The following FABP6 variants were observed in gnomAD, a reference collection of about 807,000 sequenced individuals.
FABP6 encodes gastrotropin.
A neutral mutation model predicts 14.9 loss-of-function variants in FABP6; 13 were observed. The observed-to-expected ratio is 0.87, with a 90% CI of 0.57 to 1.39. FABP6 has a LOEUF of 1.39. Among genes scored for constraint, FABP6 ranks in the 40% most tolerant of loss-of-function variants. The pLI, the probability that FABP6 is intolerant of heterozygous loss-of-function variation, is 0.00. For synonymous variants in FABP6, 75 were observed against 63.6 expected, an observed-to-expected ratio of 1.18 and a Z score of -0.85; for missense variants, 161 against 167.2, an observed-to-expected ratio of 0.96 and a Z score of 0.20.
chr5:160,209,683 T>C (rs1416036230), intron 2 of FABP6, among the ~76,000 whole-genome samples: 1 of 152,156 alleles, frequency 6.6e-6, no homozygotes, highest in Admixed American at 6.5e-5. Context: ...TCTCCAAAAC[T>C]GCAATAAATC....
chr5:160,207,663 A>G, intron 2 of FABP6, among the ~76,000 whole-genome samples: 1 of 151,964 alleles, frequency 6.6e-6, no homozygotes, highest in East Asian at 1.9e-4. Context: ...AAGTAAATAC[A>G]CACCAACTGT....
intron 1 of FABP6, among the ~76,000 whole-genome samples, chr5:160,195,120 A>G (rs1305190855): frequency 1.3e-5 from 2 of 152,018 alleles, no homozygotes; most frequent in African/African-American, 4.8e-5. Flanking sequence ...CCCCGACTCT[A>G]CTAAAAATAC....
upstream of FABP6, among the ~76,000 whole-genome samples, chr5:160,226,356 T>C (rs1760246528): frequency 6.6e-6 from 1 of 150,722 alleles, no homozygotes; most frequent in Non-Finnish European, 1.5e-5. Flanking sequence ...AGGTCAGGAG[T>C]TCGAGACCAG....
intron 2 of FABP6, among the ~76,000 whole-genome samples, chr5:160,202,702 G>A (rs898523636): frequency 2.0e-5 from 3 of 151,774 alleles, no homozygotes; most frequent in East Asian, 2.0e-4. Flanking sequence ...GACTCGGGAG[G>A]CTGAGGCAGG....
chr5:160,208,782 CTTT>C (rs57422043), intron 2 of FABP6, among the ~76,000 whole-genome samples: 3 of 142,346 alleles, frequency 2.1e-5, no homozygotes, highest in Non-Finnish European at 1.5e-5. Flanking sequence ...TCTTTCTTTT[CTTT>C]TTTTTTTTTT....
chr5:160,189,491 C>T (rs1862324), intron 1 of FABP6, among the ~76,000 whole-genome samples: 84,609 of 151,716 alleles, frequency 0.56, 23,721 homozygotes, highest in Non-Finnish European at 0.59. Flanking sequence ...GATCCACCCA[C>T]CTCAGTCTCC....
intron 2 of FABP6, among the ~76,000 whole-genome samples, chr5:160,200,863 G>A (rs1486563583): frequency 2.0e-5 from 3 of 152,130 alleles, no homozygotes; most frequent in African/African-American, 7.2e-5. Context: ...TGGGGAGAGG[G>A]GAAGGTGGCC....
At chr5:160,199,023 C>T (rs371429996) in intron 1 of FABP6, 13 of 1,416,434 alleles carry the variant, frequency 9.2e-6, no homozygotes, top group African/African-American at 1.4e-5. Context: ...CCCCTCCCAG[C>T]GTGCTGGCTT....
intron 3 of FABP6, among the ~76,000 whole-genome samples, chr5:160,235,199 ACACT>A (rs2113148519): frequency 6.6e-6 from 1 of 152,294 alleles, no homozygotes; most frequent in East Asian, 1.9e-4. Context: ...TGCAGCACTC[ACACT>A]CAACCGCTTC....
At chr5:160,195,163 T>C (rs1759483988) in intron 1 of FABP6, among the ~76,000 whole-genome samples, 2 of 151,634 alleles carry the variant, frequency 1.3e-5, no homozygotes, top group South Asian at 2.1e-4. Flanking sequence ...CGGGTGCCTA[T>C]AATCCCAGCT....
chr5:160,206,515 C>T (rs1245725971), intron 2 of FABP6, among the ~76,000 whole-genome samples: 1 of 152,160 alleles, frequency 6.6e-6, no homozygotes, highest in Non-Finnish European at 1.5e-5. Context: ...GAAAAGTATA[C>T]ATCCTCCTAG....
At position 160,201,406 on chromosome 5, in the gene FABP6, G is replaced by GT. The variant is rs199830607; in HGVS notation, c.51+2250dup. On this transcript the variant is annotated intron_variant, in intron 2 of 6. Transcript: ENST00000393980. ...AAACTAGTGGTTTCGTTTGCCTAGG[G>GT]TGGGGGGGTAGGGTGGAAGGGGATG... Among the ~76,000 whole-genome samples the GT allele has an allele frequency of 8.9e-3, 1,349 of 151,462 alleles. 29 individuals are homozygous for GT. The highest frequency in any genetic ancestry group is 0.031 in the African/African-American group (1,263 of 41,260).
intron 3 of FABP6, among the ~76,000 whole-genome samples, chr5:160,236,911 G>A (rs771630035): frequency 5.9e-5 from 9 of 151,710 alleles, no homozygotes; most frequent in Non-Finnish European, 1.2e-4. Context: ...CAATCCAGGA[G>A]GCAGAGGTTG....
chr5:160,187,504 G>T (rs1759310565), intron 1 of FABP6: 1 of 151,526 alleles, frequency 6.6e-6, no homozygotes, highest in South Asian at 2.1e-4. Flanking sequence ...TTATCCTTGA[G>T]GAACCAACAG....
chr5:160,221,081 T>G (rs1380136731), intron 3 of FABP6, among the ~76,000 whole-genome samples: 1 of 143,434 alleles, frequency 7.0e-6, no homozygotes, highest in Non-Finnish European at 1.5e-5. Flanking sequence ...AGAGTGAGAC[T>G]TTCTCTCAAA....
chr5:160,214,148 T>A (rs10605034), intron 3 of FABP6, among the ~76,000 whole-genome samples: 28,581 of 120,928 alleles, frequency 0.24, 3,290 homozygotes, highest in Middle Eastern at 0.28. Context: ...TCTTTCTTTC[T>A]TTCTTTCTTT....
chr5:160,199,027 C>T, intron 1 of FABP6: 2 of 1,478,520 alleles, frequency 1.4e-6, no homozygotes, highest in Non-Finnish European at 1.9e-6. Context: ...TCCCAGCGTG[C>T]TGGCTTTTTG....
rs56274133 is a variant in FABP6, at chr5:160,223,879, C to T, written c.136-5667C>T. Among the ~76,000 whole-genome samples the T allele has an allele frequency of 1.9e-4, 28 of 149,518 alleles. 1 individual carries two copies. The East Asian group carries it at 4.4e-3, about 24-fold the overall frequency. On this transcript the variant is annotated intron_variant, in intron 3 of 6. Transcript: ENST00000393980. The stretch of plus-strand genomic sequence containing the variant: ...CTTTGGGAGGCCAAGGTGGGAGGAT[C>T]GCATGAGCCCAGGAGTTTGAGACCA...
intron 2 of FABP6, among the ~76,000 whole-genome samples, chr5:160,233,734 G>C (rs190950157): frequency 6.6e-6 from 1 of 152,040 alleles, no homozygotes; most frequent in African/African-American, 2.4e-5. Context: ...TTAGCCAGGC[G>C]TGGTGGCCGG....
Sources: gnomAD v4.1 joint callset for allele counts (sites outside exome capture counted in the v4.1 genomes callset) on GRCh38, gnomAD v4.1.1 for gene constraint, MANE v1.5 for transcripts, NCBI Gene and HGNC (gene_info 2026-07-23, HGNC 2026-07-21) for gene names.